The following SMARCD1 variants were observed in gnomAD, a reference collection of about 807,000 sequenced individuals.
The protein encoded by SMARCD1 is SWI/SNF related BAF chromatin remodeling complex subunit D1.
In SMARCD1, 16 loss-of-function variants were observed where a neutral mutation model predicts 70.8. The ratio of observed to expected loss-of-function variants is 0.23; its 90% CI spans 0.15 to 0.34. SMARCD1 has a LOEUF of 0.34. Among genes scored for constraint, SMARCD1 ranks in the 10% least tolerant of loss-of-function variants. The pLI is 1.00. For missense variants in SMARCD1, 409 were observed against 655.5 expected (o/e 0.62, Z 4.11); for synonymous variants, 249 against 246.0 (o/e 1.01, Z -0.11).
At chr12:50,093,020 A>G (rs1166449566) in intron 9 of SMARCD1, among the ~76,000 whole-genome samples, 1 of 151,950 alleles carries the variant, frequency 6.6e-6, no homozygotes, top group African/African-American at 2.4e-5. Context: ...TACTAAAAAT[A>G]CAAAAATTAG....
chr12:50,087,580 C>T, intron 5 of SMARCD1, 95 bp downstream of exon 5: 1 of 1,446,976 alleles, frequency 6.9e-7, no homozygotes, highest in Non-Finnish European at 9.4e-7. Flanking sequence ...CTGGTGCTCA[C>T]AGCTCCTTTT....
chr12:50,086,647 A>G lies in SMARCD1; in HGVS notation c.392A>G (p.Lys131Arg), dbSNP rs1446694595. ...HNAKKKKMAD[K>R]ILPQRIRELV... ...GCAAAGAAAAAGAAGATGGCTGACAAAATTCTACCTCAAAGGGTGAGTCCA... is the reference window on the plus strand; with the variant it reads ...GCAAAGAAAAAGAAGATGGCTGACAGAATTCTACCTCAAAGGGTGAGTCCA... Residue 131 changes from lysine to arginine, a missense_variant, in exon 3 of 13, where the codon AAA (lysine) becomes AGA (arginine). Coordinates refer to ENST00000394963, the MANE Select transcript of SMARCD1 (RefSeq NM_003076.5). 1 of 1,614,052 alleles carries G rather than the reference A, an allele frequency of 6.2e-7. No individual in the cohort carries two copies. The highest frequency in any genetic ancestry group is 8.5e-7 in the Non-Finnish European group (1 of 1,180,012).
At position 50,098,532 on chromosome 12, in the gene SMARCD1, A is replaced by T. The variant is rs1950912293; in HGVS notation, c.1393-182A>T. 3 of 602,482 alleles carry T rather than the reference A, an allele frequency of 5.0e-6. No homozygotes were observed. The South Asian group carries it at 5.9e-5, about 12-fold the overall frequency. 37.3% of individuals were successfully genotyped at this position (602,482 alleles called of 1,614,324 possible). ...TATTAGGGGGTACTCTAATGACCTC[A>T]TCTTAACTTGAGCATCTGTAGAGAC... is the stretch of plus-strand genomic sequence containing the variant. On this transcript the variant is annotated intron_variant, in intron 11 of 12. Transcript: ENST00000394963.
At chr12:50,087,045 A>G in intron 4 of SMARCD1, 167 bp downstream of exon 4, 2 of 737,832 alleles carry the variant, frequency 2.7e-6, no homozygotes, top group South Asian at 1.8e-5. Context: ...TAAGAACAGA[A>G]TGGCAAAGGG....
chr12:50,090,820 G>GTTTT (rs1565740015), intron 9 of SMARCD1, among the ~76,000 whole-genome samples: 2 of 89,006 alleles, frequency 2.2e-5, no homozygotes, highest in Non-Finnish European at 4.3e-5. Context: ...TTGTATTTGT[G>GTTTT]CTTTTTTTTT....
chr12:50,094,868 C>T (rs1204599871), intron 10 of SMARCD1, among the ~76,000 whole-genome samples: 1 of 151,968 alleles, frequency 6.6e-6, no homozygotes, highest in Non-Finnish European at 1.5e-5. Context: ...TGCAATCCCG[C>T]CTCACGGCAA....
Position 50,099,130 on chromosome 12 carries a change from A to G in SMARCD1, c.*130A>G, listed in dbSNP as rs1950917927. 7 of 772,364 alleles carry G rather than the reference A, an allele frequency of 9.1e-6. No individual in the cohort carries two copies. Among genetic ancestry groups the G allele is most frequent in the South Asian group, 8.9e-5 (6 of 67,498 alleles). The allele number at this position is 772,364 out of a possible 1,614,324, so 47.8% of individuals were successfully genotyped here. ...ATGCTGTTGGTTCAAGGACAACACC[A>G]GAATGAAGAGGGTCTCACAAGACAC... is the stretch of plus-strand genomic sequence containing the variant. On this transcript the variant is annotated 3_prime_UTR_variant, in exon 13 of 13. Transcript: ENST00000394963.
intron 11 of SMARCD1, 192 bp from the exon 12 acceptor site, chr12:50,098,522 T>C: frequency 3.3e-6 from 2 of 598,022 alleles, no homozygotes; most frequent in African/African-American, 1.9e-5. Flanking sequence ...GGGGGTACTC[T>C]AATGACCTCA....
intron 5 of SMARCD1, chr12:50,088,107 C>T: frequency 1.8e-6 from 1 of 557,210 alleles, no homozygotes; most frequent in Non-Finnish European, 3.2e-6. Context: ...GCCTCCTTCT[C>T]TATATAGGTC....
At position 50,094,419 on chromosome 12, in the gene SMARCD1, C is replaced by T. The variant is rs1369695128; in HGVS notation, c.1134-18C>T. On this transcript the variant is annotated intron_variant, in intron 9 of 12. Transcript: ENST00000394963. ...AGGGGACAAGCTCTTTACCAGGCTC[C>T]TTTGGTTTCCTGTCCAGTGTTGACC... is the stretch of plus-strand genomic sequence containing the variant. 3.4e-5 allele frequency: 55 copies of T among 1,611,038 alleles called. No individual in the cohort carries two copies. Among genetic ancestry groups the T allele is most frequent in the Non-Finnish European group, 4.2e-5 (50 of 1,178,862 alleles).
At chr12:50,092,443 C>G (rs981497766) in intron 9 of SMARCD1, among the ~76,000 whole-genome samples, 2 of 150,078 alleles carry the variant, frequency 1.3e-5, no homozygotes, top group Non-Finnish European at 3.0e-5. Flanking sequence ...AGGATGGTCT[C>G]GATCTCTTGG....
Position 50,097,088 on chromosome 12 carries a change from T to A in SMARCD1, c.1392+116T>A, listed in dbSNP as rs1950899277. 5 of 1,007,540 alleles carry A rather than the reference T, an allele frequency of 5.0e-6. No homozygotes were observed. In the South Asian group the frequency reaches 9.6e-5, roughly 19 times the overall value. The allele number at this position is 1,007,540 out of a possible 1,614,324, so 62.4% of individuals were successfully genotyped here. ...AAGGAGTGAGGGGCCAGATTTTTCT[T>A]TAGCATGTTCCAGGGTCCATTTTGC... On this transcript the variant is annotated intron_variant, in intron 11 of 12. Coordinates refer to ENST00000394963, the MANE Select transcript of SMARCD1 (RefSeq NM_003076.5).
chr12:50,092,665 C>CT (rs988093557), intron 9 of SMARCD1, among the ~76,000 whole-genome samples: 6 of 152,002 alleles, frequency 3.9e-5, no homozygotes, highest in African/African-American at 1.5e-4. Context: ...AGAAGTTGGT[C>CT]TGTCCTATAT....
Position 50,099,658 on chromosome 12 carries a change from T to C in SMARCD1, c.*658T>C, listed in dbSNP as rs1368659805. 1 of 237,272 alleles carries C rather than the reference T, an allele frequency of 4.2e-6. No homozygotes were observed. Among genetic ancestry groups the C allele is most frequent in the Non-Finnish European group, 8.1e-6 (1 of 123,546 alleles). The allele number at this position is 237,272 out of a possible 1,614,324, so 14.7% of individuals were successfully genotyped here. A position where few individuals can be genotyped will look rare whatever the true frequency, so the allele number is the denominator to read the frequency against. ...TCAGTATTGGAGTTTTGTTCTTTAT[T>C]GCTCCCTCCCAGACACTCCCTGTGG... On this transcript the variant is annotated 3_prime_UTR_variant, in exon 13 of 13. Coordinates refer to ENST00000394963, the MANE Select transcript of SMARCD1 (RefSeq NM_003076.5).
At chr12:50,094,155 T>G (rs1950871615) in intron 9 of SMARCD1, among the ~76,000 whole-genome samples, 1 of 152,216 alleles carries the variant, frequency 6.6e-6, no homozygotes, top group South Asian at 2.1e-4. Flanking sequence ...TTGTACTGCT[T>G]GAATTTTTAC....
Position 50,099,265 on chromosome 12 carries a change from G to C in SMARCD1, c.*265G>C, listed in dbSNP as rs933903643. ...CTGGTCTACATAGGACCTCTAGATA[G>C]TGTTAGAGAGAGAACATGTAGTGGT... On this transcript the variant is annotated 3_prime_UTR_variant, in exon 13 of 13. Coordinates refer to ENST00000394963, the MANE Select transcript of SMARCD1 (RefSeq NM_003076.5). The C allele has an allele frequency of 6.0e-5, 35 of 584,204 alleles. No individual in the cohort carries two copies. The East Asian group carries it at 9.7e-4, about 16-fold the overall frequency. The allele number at this position is 584,204 out of a possible 1,614,324, so 36.2% of individuals were successfully genotyped here.
intron 11 of SMARCD1, 122 bp downstream of exon 11, chr12:50,097,094 T>A: frequency 1.1e-6 from 1 of 902,604 alleles, no homozygotes; most frequent in Non-Finnish European, 1.6e-6. Context: ...TTCTTTAGCA[T>A]GTTCCAGGGT....
chr12:50,087,280 T>A, intron 4 of SMARCD1, 83 bp from the exon 5 acceptor site: 1 of 1,518,692 alleles, frequency 6.6e-7, no homozygotes, highest in South Asian at 1.2e-5. Context: ...CTGTTAGGAG[T>A]AATTTTGGGG....
At chr12:50,086,929 C>T (rs1244417432) in intron 4 of SMARCD1, 51 bp downstream of exon 4, 2 of 1,591,274 alleles carry the variant, frequency 1.3e-6, no homozygotes, top group East Asian at 2.2e-5. Context: ...ACCCAGGAAC[C>T]TTCAGCAGAA....
Sources: gnomAD v4.1 joint callset for allele counts (sites outside exome capture counted in the v4.1 genomes callset) on GRCh38, gnomAD v4.1.1 for gene constraint, MANE v1.5 for transcripts, NCBI Gene and HGNC (gene_info 2026-07-23, HGNC 2026-07-21) for gene names.